Variants in XRN1 observed in about 807,000 individuals in gnomAD.
XRN1 encodes 5'-3' exoribonuclease 1.
A neutral mutation model predicts 222.3 loss-of-function variants in XRN1; 67 were observed. That is an observed-to-expected ratio of 0.30 (90% CI 0.25 to 0.37). The LOEUF is 0.37. Ranked by LOEUF, XRN1 falls within the 10% of genes least tolerant of loss-of-function variation. The pLI is 1.00. For missense variants in XRN1, 1,707 were observed against 2,000.2 expected, an observed-to-expected ratio of 0.85 and a Z score of 2.80; for synonymous variants, 643 against 652.4, an observed-to-expected ratio of 0.99 and a Z score of 0.22.
rs545250327 is a variant in XRN1, at chr3:142,443,525, T to G, written c.75+4345A>C. Among the ~76,000 whole-genome samples, 124 of 152,212 alleles carry G rather than the reference T, an allele frequency of 8.1e-4. 2 individuals carry two copies. In the South Asian group the frequency reaches 0.026, roughly 31 times the overall value. On this transcript the variant is annotated intron_variant, in intron 1 of 40. Transcript: ENST00000392981. The stretch of plus-strand genomic sequence containing the variant: ...AATCATCTACTGCCTGACAGCACAG[T>G]GGGAGGGACAAGGATCGGGATGTAA...
In XRN1 at chr3:142,329,478, C is replaced by A; in HGVS notation, c.4360G>T (p.Val1454Phe). 6.3e-7 allele frequency: 1 copy of A among 1,595,312 alleles called. No homozygotes were observed. Among genetic ancestry groups the A allele is most frequent in the Non-Finnish European group, 8.5e-7 (1 of 1,173,002 alleles). Residue 1454 changes from valine (V) to phenylalanine (F), a missense_variant, in exon 37 of 41, where the codon GTT (valine) becomes TTT (phenylalanine). This residue lies in a region of XRN1 where 473 missense variants were observed against 482.0 expected (regional missense o/e 0.98). Transcript: ENST00000392981. The stretch of plus-strand genomic sequence containing the variant: ...GAGAAATCAGGTTGTGGCATTCCAA[C>A]AAGGGAACAAATTCGAGAAAGTTCA... The part of the protein sequence containing the change: ...VTELSRICSL[V>F]GMPQPDFSFL...
chr3:142,384,945 G>C (rs2067438548), intron 20 of XRN1, among the ~76,000 whole-genome samples: 1 of 152,020 alleles, frequency 6.6e-6, no homozygotes, highest in South Asian at 2.1e-4. Context: ...ACATCCACTA[G>C]GATCGTTATA....
chr3:142,353,657 A>C (rs1173382378), intron 32 of XRN1, among the ~76,000 whole-genome samples: 1 of 152,224 alleles, frequency 6.6e-6, no homozygotes, highest in East Asian at 1.9e-4. Context: ...CCTACCTTTC[A>C]GCATATACAA....
At chr3:142,436,685 C>T (rs1191841722) in intron 1 of XRN1, among the ~76,000 whole-genome samples, 1 of 152,018 alleles carries the variant, frequency 6.6e-6, no homozygotes, top group Admixed American at 6.6e-5. Context: ...GAATTCAACA[C>T]AGCAATTACA....
intron 1 of XRN1, among the ~76,000 whole-genome samples, chr3:142,444,883 T>TA (rs1559892808): frequency 6.6e-6 from 1 of 152,196 alleles, no homozygotes; most frequent in African/African-American, 2.4e-5. Flanking sequence ...TTCACTTTTT[T>TA]AAAAAATACT....
At position 142,321,105 on chromosome 3, in the gene XRN1, C is replaced by CTTTTTTTT. The variant is rs573856556; in HGVS notation, c.4405-2210_4405-2203dup. ...CATTTGCTGAAAGATCATCCACTTC[C>CTTTTTTTT]TTTTTTTTTTTTTTTTTTTTTTTTT... is the stretch of plus-strand genomic sequence containing the variant. On this transcript the variant is annotated intron_variant, in intron 37 of 40. Coordinates refer to ENST00000392981, the MANE Select transcript of XRN1 (RefSeq NM_001282857.2). 6.3e-4 allele frequency among the ~76,000 whole-genome samples: 55 copies of CTTTTTTTT among 87,312 alleles called. 2 individuals are homozygous for CTTTTTTTT. The highest frequency in any genetic ancestry group is 8.3e-4 in the Non-Finnish European group (40 of 48,050). 57.3% of individuals were successfully genotyped at this position (87,312 alleles called of 152,430 possible). A position where few individuals can be genotyped will look rare whatever the true frequency, so the allele number is the denominator to read the frequency against.
At chr3:142,386,530 C>T (rs2067506734) in intron 20 of XRN1, among the ~76,000 whole-genome samples, 1 of 151,884 alleles carries the variant, frequency 6.6e-6, no homozygotes, top group South Asian at 2.1e-4. Context: ...TGATAAAGAA[C>T]AGTAATTAAA....
At chr3:142,361,441 T>C (rs911519787) in intron 29 of XRN1, among the ~76,000 whole-genome samples, 1 of 152,184 alleles carries the variant, frequency 6.6e-6, no homozygotes, top group Non-Finnish European at 1.5e-5. Context: ...TATGCTATGA[T>C]GTATGTTTAA....
intron 30 of XRN1, among the ~76,000 whole-genome samples, chr3:142,359,180 T>C (rs992058168): frequency 2.6e-5 from 4 of 152,164 alleles, no homozygotes; most frequent in African/African-American, 9.7e-5. Flanking sequence ...AAAACACTTG[T>C]CTTATCTGTG....
intron 30 of XRN1, among the ~76,000 whole-genome samples, chr3:142,357,609 T>G (rs1204736007): frequency 6.6e-6 from 1 of 152,080 alleles, no homozygotes; most frequent in Non-Finnish European, 1.5e-5. Context: ...TTATTTTTTC[T>G]TAGAGACAGG....
At chr3:142,329,357 T>C (rs1341840756) in intron 37 of XRN1, 77 bp downstream of exon 37, 2 of 1,086,994 alleles carry the variant, frequency 1.8e-6, no homozygotes, top group African/African-American at 3.3e-5. Flanking sequence ...TTATTTTTTC[T>C]AGCTAAACAT....
chr3:142,417,316 A>G, intron 12 of XRN1, 87 bp from the exon 13 acceptor site: 1 of 1,005,754 alleles, frequency 9.9e-7, no homozygotes, highest in Non-Finnish European at 1.5e-6. Flanking sequence ...ACAACATTTT[A>G]CCTCAGATGA....
At chr3:142,331,353 C>T (rs2065691180) in intron 36 of XRN1, among the ~76,000 whole-genome samples, 1 of 149,080 alleles carries the variant, frequency 6.7e-6, no homozygotes, top group African/African-American at 2.5e-5. Flanking sequence ...ATAGGCTTTA[C>T]AGACTTAAGA....
At chr3:142,332,714 C>T (rs550478280) in intron 35 of XRN1, among the ~76,000 whole-genome samples, 180 bp from the exon 36 acceptor site, 38 of 150,450 alleles carry the variant, frequency 2.5e-4, no homozygotes, top group African/African-American at 8.5e-4. Context: ...GATACAGAAA[C>T]GATACTTATC....
At chr3:142,439,725 G>C (rs758855585) in intron 1 of XRN1, among the ~76,000 whole-genome samples, 1 of 150,502 alleles carries the variant, frequency 6.6e-6, no homozygotes, top group Non-Finnish European at 1.5e-5. Flanking sequence ...ATCAGGAGGA[G>C]CAGGCGGAAC....
At chr3:142,446,259 C>T (rs147162088) in intron 1 of XRN1, among the ~76,000 whole-genome samples, 1 of 152,322 alleles carries the variant, frequency 6.6e-6, no homozygotes, top group East Asian at 1.9e-4. Flanking sequence ...CTTATTTAGG[C>T]ATTACCATCT....
chr3:142,385,715 C>T (rs2067474738), intron 20 of XRN1, among the ~76,000 whole-genome samples: 1 of 151,986 alleles, frequency 6.6e-6, no homozygotes, highest in East Asian at 1.9e-4. Context: ...ACTTTCTTAT[C>T]TCCTTTCCAT....
chr3:142,340,295 C>T (rs770184977), intron 33 of XRN1, among the ~76,000 whole-genome samples: 4 of 151,882 alleles, frequency 2.6e-5, no homozygotes, highest in East Asian at 1.9e-4. Context: ...GCGGAGGTAG[C>T]GGTGAGCTGA....
intron 31 of XRN1, 146 bp downstream of exon 31, chr3:142,356,766 G>C: frequency 2.8e-6 from 2 of 706,932 alleles, no homozygotes; most frequent in Non-Finnish European, 4.6e-6. Flanking sequence ...TATTAGCCTA[G>C]TATCTTAAAT....
Sources: allele counts gnomAD v4.1 joint callset (sites outside exome capture counted in the v4.1 genomes callset), GRCh38; gene constraint gnomAD v4.1.1; regional missense constraint gnomAD v4.1.1; transcripts MANE v1.5; gene names NCBI Gene and HGNC (gene_info 2026-07-23, HGNC 2026-07-21).